The following CDH6 variants were observed in gnomAD, a reference collection of about 807,000 sequenced individuals.
The protein encoded by CDH6 is cadherin 6, also known as cadherin-6.
Under a neutral mutation model 78.0 loss-of-function variants are expected in CDH6, and 31 were observed. The ratio of observed to expected loss-of-function variants is 0.40; its 90% CI spans 0.30 to 0.54. The LOEUF is 0.54. Ranked by LOEUF, CDH6 falls within the 20% of genes least tolerant of loss-of-function variation. CDH6 has a pLI of 0.56. For synonymous variants in CDH6, 376 were observed against 368.8 expected (o/e 1.02, Z -0.23); for missense variants, 724 against 975.9 (o/e 0.74, Z 3.44).
chr5:31,202,862 AT>A (rs1740399133), intron 1 of CDH6, among the ~76,000 whole-genome samples: 1 of 151,886 alleles, frequency 6.6e-6, no homozygotes, highest in South Asian at 2.1e-4. Context: ...AAATATATAT[AT>A]ATTTGCAACT....
chr5:31,300,001 T>C (rs927285145), intron 5 of CDH6, among the ~76,000 whole-genome samples: 5 of 152,240 alleles, frequency 3.3e-5, no homozygotes, highest in African/African-American at 1.2e-4. Context: ...AGGCATGTAA[T>C]CTCTTTTAAA....
chr5:31,305,596 A>G (rs1459072359), intron 7 of CDH6, among the ~76,000 whole-genome samples, 169 bp downstream of exon 7: 1 of 152,204 alleles, frequency 6.6e-6, no homozygotes, highest in Non-Finnish European at 1.5e-5. Context: ...CTCACTGCAT[A>G]AATATTATTT....
chr5:31,292,982 A>T (rs2962792), intron 2 of CDH6, among the ~76,000 whole-genome samples: 23,048 of 151,498 alleles, frequency 0.15, 3,073 homozygotes, highest in African/African-American at 0.36. Context: ...TTTAGGAAAC[A>T]ATAGGAAATC....
intron 1 of CDH6, among the ~76,000 whole-genome samples, chr5:31,195,626 T>G (rs1310998145): frequency 6.6e-6 from 1 of 152,206 alleles, no homozygotes; most frequent in African/African-American, 2.4e-5. Context: ...CTTGAGCAGA[T>G]GTCTTCATTA....
rs779217583 is a variant in CDH6, at chr5:31,326,845, C to T, written c.*3537C>T. The T allele has an allele frequency of 6.3e-6, 1 of 158,022 alleles. No homozygotes were observed. Among genetic ancestry groups the T allele is most frequent in the African/African-American group, 2.4e-5 (1 of 41,680 alleles). 9.8% of individuals were successfully genotyped at this position (158,022 alleles called of 1,614,324 possible). The stretch of plus-strand genomic sequence containing the variant: ...TAGCTGGGACTACAGGCACACACCA[C>T]CACGCCCGGCTAATTTTTGTTGTAT... On this transcript the variant is annotated 3_prime_UTR_variant, in exon 12 of 12. Coordinates refer to ENST00000265071, the MANE Select transcript of CDH6 (RefSeq NM_004932.4).
At chr5:31,233,084 C>T (rs56775648) in intron 1 of CDH6, among the ~76,000 whole-genome samples, 1,856 of 152,232 alleles carry the variant, frequency 0.012, 40 homozygotes, top group African/African-American at 0.042. Context: ...CAAATACACA[C>T]ACACGCGTAC....
intron 2 of CDH6, among the ~76,000 whole-genome samples, chr5:31,291,189 C>G (rs1743151699): frequency 6.6e-6 from 1 of 152,074 alleles, no homozygotes; most frequent in South Asian, 2.1e-4. Flanking sequence ...GCAATTGCCC[C>G]CCGCCGCCCA....
chr5:31,263,607 C>A (rs887765122), intron 1 of CDH6, among the ~76,000 whole-genome samples: 1 of 151,916 alleles, frequency 6.6e-6, no homozygotes, highest in African/African-American at 2.4e-5. Flanking sequence ...TATAAAGCCA[C>A]CACTCCCACT....
chr5:31,208,934 G>A (rs1740615709), intron 1 of CDH6, among the ~76,000 whole-genome samples: 1 of 152,166 alleles, frequency 6.6e-6, no homozygotes, highest in South Asian at 2.1e-4. Context: ...TCAATGCATG[G>A]AATAGGATCT....
intron 11 of CDH6, among the ~76,000 whole-genome samples, chr5:31,321,809 C>G (rs1738483540): frequency 6.6e-6 from 1 of 152,092 alleles, no homozygotes; most frequent in Admixed American, 6.5e-5. Context: ...TCCTGTAATA[C>G]ACTCCTCTGC....
At chr5:31,237,935 G>T (rs1366402067) in intron 1 of CDH6, among the ~76,000 whole-genome samples, 1 of 152,138 alleles carries the variant, frequency 6.6e-6, no homozygotes, top group East Asian at 1.9e-4. Flanking sequence ...CAGGATTGTT[G>T]CAATAGTTAA....
At chr5:31,261,517 C>G (rs1483915263) in intron 1 of CDH6, among the ~76,000 whole-genome samples, 2 of 152,070 alleles carry the variant, frequency 1.3e-5, no homozygotes, top group Non-Finnish European at 2.9e-5. Context: ...TATGCAACAC[C>G]ATTTATCTGA....
chr5:31,255,009 T>G (rs1325725841), intron 1 of CDH6, among the ~76,000 whole-genome samples: 1 of 152,228 alleles, frequency 6.6e-6, no homozygotes, highest in African/African-American at 2.4e-5. Flanking sequence ...CAAATGCTCT[T>G]TCTATTAAAA....
intron 1 of CDH6, among the ~76,000 whole-genome samples, chr5:31,241,551 A>G (rs1000497574): frequency 6.6e-6 from 1 of 152,262 alleles, no homozygotes; most frequent in African/African-American, 2.4e-5. Flanking sequence ...TTTAACTGGC[A>G]GAAGTTTATT....
chr5:31,302,477 C>A, intron 6 of CDH6, 179 bp downstream of exon 6: 1 of 486,788 alleles, frequency 2.1e-6, no homozygotes, highest in Non-Finnish European at 3.7e-6. Context: ...AATCCCAGCA[C>A]TTTTGGGGGC....
chr5:31,311,119 C>T (rs939417217), intron 7 of CDH6, among the ~76,000 whole-genome samples: 1 of 152,226 alleles, frequency 6.6e-6, no homozygotes, highest in Non-Finnish European at 1.5e-5. Context: ...CACATCATCT[C>T]TTTGTTCACA....
At chr5:31,293,167 G>A (rs1737457714) in intron 2 of CDH6, among the ~76,000 whole-genome samples, 1 of 151,784 alleles carries the variant, frequency 6.6e-6, no homozygotes, top group Non-Finnish European at 1.5e-5. Context: ...TAGGAGCAGG[G>A]AACTCACCAC....
chr5:31,208,392 C>T lies in CDH6; in HGVS notation c.-129+14506C>T, dbSNP rs1740598907. On this transcript the variant is annotated intron_variant, in intron 1 of 11. Transcript: ENST00000265071. ...TAGACCCTGGACCCCGGACATCCTCCAAGGATCTTTTATATTACGACAAAC... is the reference window on the plus strand; with the variant it reads ...TAGACCCTGGACCCCGGACATCCTCTAAGGATCTTTTATATTACGACAAAC... Among the ~76,000 whole-genome samples the T allele has an allele frequency of 2.0e-5, 3 of 152,168 alleles. No individual in the cohort carries two copies. The South Asian group carries it at 6.2e-4, about 31-fold the overall frequency.
chr5:31,305,069 C>T (rs1370778358), intron 6 of CDH6, 105 bp from the exon 7 acceptor site: 1 of 1,090,556 alleles, frequency 9.2e-7, no homozygotes, highest in Non-Finnish European at 1.3e-6. Flanking sequence ...GCAATATGAT[C>T]GCATTCATTT....
Sources: gnomAD v4.1 joint callset for allele counts (sites outside exome capture counted in the v4.1 genomes callset) on GRCh38, gnomAD v4.1.1 for gene constraint, MANE v1.5 for transcripts, NCBI Gene and HGNC (gene_info 2026-07-23, HGNC 2026-07-21) for gene names.